The following GPR158 variants were observed in gnomAD, a reference collection of about 807,000 sequenced individuals.
GPR158 encodes metabotropic glycine receptor.
A neutral mutation model predicts 78.2 loss-of-function variants in GPR158; 30 were observed. The observed-to-expected ratio is 0.38, with a 90% CI of 0.29 to 0.52. The LOEUF is 0.52. Ranked by LOEUF, GPR158 falls within the 20% of genes least tolerant of loss-of-function variation. The pLI is 0.83. For missense variants in GPR158, 1,463 were observed against 1,523.5 expected (o/e 0.96, Z 0.66); for synonymous variants, 581 against 591.1 (o/e 0.98, Z 0.25).
At chr10:25,415,460 A>G (rs1834646281) in intron 4 of GPR158, among the ~76,000 whole-genome samples, 1 of 152,100 alleles carries the variant, frequency 6.6e-6, no homozygotes, top group Non-Finnish European at 1.5e-5. Context: ...ACTCAAACCG[A>G]CAGTACCCAC....
chr10:25,246,981 A>T (rs927091142), intron 2 of GPR158, among the ~76,000 whole-genome samples: 3 of 152,344 alleles, frequency 2.0e-5, no homozygotes, highest in African/African-American at 7.2e-5. Flanking sequence ...AAATCATTCC[A>T]TTGGAAGCCT....
chr10:25,473,482 G>A (rs1835538596), intron 5 of GPR158, among the ~76,000 whole-genome samples: 1 of 152,128 alleles, frequency 6.6e-6, no homozygotes, highest in Non-Finnish European at 1.5e-5. Flanking sequence ...AATGAGTTAG[G>A]GAGGATTCCC....
intron 7 of GPR158, among the ~76,000 whole-genome samples, chr10:25,582,356 C>G (rs1424973953): frequency 6.6e-6 from 1 of 152,204 alleles, no homozygotes; most frequent in East Asian, 1.9e-4. Context: ...TGCCAGAGTT[C>G]TGTCACCCCA....
chr10:25,404,917 A>T (rs1834491711), intron 3 of GPR158, among the ~76,000 whole-genome samples: 1 of 152,088 alleles, frequency 6.6e-6, no homozygotes. Flanking sequence ...GCACAAAGGA[A>T]GTACACTGAA....
chr10:25,229,338 A>G (rs1042047503), intron 2 of GPR158, among the ~76,000 whole-genome samples: 2 of 152,212 alleles, frequency 1.3e-5, no homozygotes, highest in Non-Finnish European at 1.5e-5. Flanking sequence ...ATTGAAGGTT[A>G]CAGTAGGAAG....
chr10:25,265,544 G>C (rs1461540713), intron 2 of GPR158, among the ~76,000 whole-genome samples: 1 of 152,138 alleles, frequency 6.6e-6, no homozygotes. Context: ...AATATGGTAA[G>C]ATACTAGTTA....
At chr10:25,380,644 C>T (rs534230096) in intron 2 of GPR158, among the ~76,000 whole-genome samples, 2 of 152,110 alleles carry the variant, frequency 1.3e-5, no homozygotes, top group East Asian at 1.9e-4. Context: ...ATATTAGATA[C>T]TTTAATTTTT....
chr10:25,333,476 A>G (rs549525446), intron 2 of GPR158, among the ~76,000 whole-genome samples: 1 of 152,216 alleles, frequency 6.6e-6, no homozygotes, highest in South Asian at 2.1e-4. Flanking sequence ...AAGAGTTTAA[A>G]AGGATTTTCT....
rs1339939434 is a variant in GPR158, at chr10:25,331,103, T to TTA, written c.1009-64796_1009-64795dup. Among the ~76,000 whole-genome samples, 273 of 151,592 alleles carry TTA rather than the reference T, an allele frequency of 1.8e-3. 1 individual carries two copies. The highest frequency in any genetic ancestry group is 6.0e-3 in the African/African-American group (250 of 41,346). On this transcript the variant is annotated intron_variant, in intron 2 of 10. Coordinates refer to ENST00000376351, the MANE Select transcript of GPR158 (RefSeq NM_020752.3). Reference sequence around the variant, plus strand: ...AGGTGAATGCCACTGTGCCTAGCTTTTATATATATATATTTTTGTAGAGAC... The same window carrying TTA: ...AGGTGAATGCCACTGTGCCTAGCTTTTATATATATATATATTTTTGTAGAGAC...
intron 6 of GPR158, among the ~76,000 whole-genome samples, chr10:25,555,742 GAAA>G (rs371410700): frequency 6.9e-6 from 1 of 145,888 alleles, no homozygotes; most frequent in Non-Finnish European, 1.5e-5. Context: ...GGCTAATCAA[GAAA>G]AAAAAAACAA....
chr10:25,190,265 A>G (rs1410613967), intron 1 of GPR158, among the ~76,000 whole-genome samples: 1 of 152,190 alleles, frequency 6.6e-6, no homozygotes, highest in Non-Finnish European at 1.5e-5. Context: ...GTTGTTCAGA[A>G]TTTGAACTTA....
intron 5 of GPR158, among the ~76,000 whole-genome samples, chr10:25,540,978 A>AC (rs1836574946): frequency 7.7e-6 from 1 of 130,086 alleles, no homozygotes; most frequent in African/African-American, 3.0e-5. Context: ...ATATATATAT[A>AC]AAGTTTATCT....
intron 2 of GPR158, among the ~76,000 whole-genome samples, chr10:25,325,882 T>C (rs1855022112): frequency 3.4e-5 from 5 of 146,610 alleles, no homozygotes. Flanking sequence ...ATTTTTTTAA[T>C]ACACCTATTG....
chr10:25,240,034 A>C (rs573623975), intron 2 of GPR158, among the ~76,000 whole-genome samples: 14 of 152,344 alleles, frequency 9.2e-5, no homozygotes, highest in African/African-American at 3.4e-4. Context: ...TTAATATTAT[A>C]AGATAAAACA....
intron 2 of GPR158, among the ~76,000 whole-genome samples, chr10:25,364,813 A>G (rs1383631307): frequency 6.6e-6 from 1 of 151,790 alleles, no homozygotes. Flanking sequence ...TAAAATTTAT[A>G]TTTCCGGTCA....
chr10:25,588,639 G>C (rs1168032205), intron 7 of GPR158, among the ~76,000 whole-genome samples: 1 of 152,062 alleles, frequency 6.6e-6, no homozygotes, highest in Non-Finnish European at 1.5e-5. Context: ...TTGTTGCCTT[G>C]GTAACTTTAT....
chr10:25,296,218 C>T (rs1588781968), intron 2 of GPR158, among the ~76,000 whole-genome samples: 1 of 151,946 alleles, frequency 6.6e-6, no homozygotes, highest in Non-Finnish European at 1.5e-5. Flanking sequence ...TGTTGGCTGC[C>T]CCTGGGATAG....
intron 2 of GPR158, among the ~76,000 whole-genome samples, chr10:25,316,814 G>T (rs1434978571): frequency 6.6e-6 from 1 of 151,900 alleles, no homozygotes; most frequent in African/African-American, 2.4e-5. Context: ...CACACAGTTT[G>T]GGAATCATTG....
intron 2 of GPR158, among the ~76,000 whole-genome samples, chr10:25,331,492 A>G (rs1855121360): frequency 6.6e-6 from 1 of 152,166 alleles, no homozygotes; most frequent in African/African-American, 2.4e-5. Flanking sequence ...ATTTATTATG[A>G]TTAGAGGTGA....
Sources: allele counts gnomAD v4.1 joint callset (sites outside exome capture counted in the v4.1 genomes callset), GRCh38; gene constraint gnomAD v4.1.1; transcripts MANE v1.5; gene names NCBI Gene and HGNC (gene_info 2026-07-23, HGNC 2026-07-21).